The following LCP1 variants were observed in gnomAD, a reference collection of about 807,000 sequenced individuals.
LCP1 encodes the protein lymphocyte cytosolic protein 1, also known as plastin-2.
A neutral mutation model predicts 72.0 loss-of-function variants in LCP1; 23 were observed. The observed-to-expected ratio is 0.32, with a 90% CI of 0.23 to 0.45. LCP1 has a LOEUF of 0.45. Among genes scored for constraint, LCP1 ranks in the 20% least tolerant of loss-of-function variants. The pLI, the probability that LCP1 is intolerant of heterozygous loss-of-function variation, is 1.00. For missense variants in LCP1, 571 were observed against 748.3 expected (o/e 0.76, Z 2.76); for synonymous variants, 245 against 275.4 (o/e 0.89, Z 1.09).
At chr13:46,135,348 C>A (rs1566433970) in intron 13 of LCP1, among the ~76,000 whole-genome samples, 2 of 152,126 alleles carry the variant, frequency 1.3e-5, no homozygotes, top group East Asian at 3.9e-4. Context: ...CTCAAGAATC[C>A]TGTGACTGAA....
intron 14 of LCP1, among the ~76,000 whole-genome samples, chr13:46,131,247 G>T (rs1207327623): frequency 6.6e-6 from 1 of 152,164 alleles, no homozygotes; most frequent in Non-Finnish European, 1.5e-5. Flanking sequence ...ATGAAAAAAT[G>T]CAAAAATGCT....
At chr13:46,168,388 G>C (rs985027973) in intron 1 of LCP1, 5 of 152,240 alleles carry the variant, frequency 3.3e-5, no homozygotes, top group Admixed American at 2.6e-4. Context: ...CTGTGAAATG[G>C]AGCAAGTGAG....
Position 46,167,373 on chromosome 13 carries a change from T to G in LCP1, c.-24-7687A>C, listed in dbSNP as rs74074017. Among the ~76,000 whole-genome samples the G allele has an allele frequency of 9.9e-3, 1,502 of 152,244 alleles. 28 individuals are homozygous for G. The highest frequency in any genetic ancestry group is 0.033 in the African/African-American group (1,379 of 41,512). On this transcript the variant is annotated intron_variant, in intron 1 of 15. Coordinates refer to ENST00000323076, the MANE Select transcript of LCP1 (RefSeq NM_002298.5). The stretch of plus-strand genomic sequence containing the variant: ...CGCCAGCTAAGGAGTTCTCATTCCT[T>G]CCTTCTCTCCCTTAGTACATTCCTG...
chr13:46,154,823 T>A lies in LCP1; in HGVS notation c.555A>T (p.Leu185=). ...GACATACCTGAATGGTGAAAGGGGTTAGCTTCTTTTTGTTGATTGTTCTTT... is the reference window on the plus strand; with the variant it reads ...GACATACCTGAATGGTGAAAGGGGTAAGCTTCTTTTTGTTGATTGTTCTTT... ...IDERTINKKK[L]TPFTIQENLN... Residue 185 remains leucine, a synonymous_variant, in exon 6 of 16, where the codon CTA becomes CTT. Coordinates refer to ENST00000323076, the MANE Select transcript of LCP1 (RefSeq NM_002298.5). 1 of 1,613,950 alleles carries A rather than the reference T, an allele frequency of 6.2e-7. No homozygotes were observed. Among genetic ancestry groups the A allele is most frequent in the Admixed American group, 1.7e-5 (1 of 60,024 alleles).
rs1593950364 is a variant in LCP1 at position 46,146,964 on chromosome 13, C to T, written c.1118G>A (p.Arg373Lys). ...NLAFIANLFN[R>K]YPALHKPENQ... Reference sequence around the variant, plus strand: ...CTCTGGTTTGTGCAGGGCAGGGTATCTGTTAAAGAGGTTGGCAATAAAAGC... The same window carrying T: ...CTCTGGTTTGTGCAGGGCAGGGTATTTGTTAAAGAGGTTGGCAATAAAAGC... The change falls in exon 10 of 16, where the codon AGA becomes AAA. Residue 373 changes from arginine to lysine, a missense_variant. Coordinates refer to ENST00000323076, the MANE Select transcript of LCP1 (RefSeq NM_002298.5). 1 of 1,614,114 alleles carries T rather than the reference C, an allele frequency of 6.2e-7. No homozygotes were observed. The highest frequency in any genetic ancestry group is 1.3e-5 in the African/African-American group (1 of 75,026).
rs1391181546 is a variant in LCP1, at chr13:46,175,358, G to A, written c.-25+6753C>T. 2.0e-5 allele frequency among the ~76,000 whole-genome samples: 3 copies of A among 152,198 alleles called. No individual in the cohort carries two copies. The East Asian group carries it at 5.8e-4, about 29-fold the overall frequency. The stretch of plus-strand genomic sequence containing the variant: ...AGCACTTGCCTGATTTTATAGATGA[G>A]GAAACTGAACTTCAGAGGCTCCAGA... On this transcript the variant is annotated intron_variant, in intron 1 of 15. Transcript: ENST00000323076.
chr13:46,178,516 G>A (rs2045942185), intron 1 of LCP1, among the ~76,000 whole-genome samples: 1 of 152,142 alleles, frequency 6.6e-6, no homozygotes, highest in Admixed American at 6.5e-5. Context: ...GGTGACTTCC[G>A]AGAGCCTCAA....
At chr13:46,144,896 G>T (rs2045720834) in intron 10 of LCP1, among the ~76,000 whole-genome samples, 1 of 152,186 alleles carries the variant, frequency 6.6e-6, no homozygotes, top group South Asian at 2.1e-4. Context: ...ACAGGGAAAA[G>T]AACAGTATGG....
chr13:46,169,534 CAGG>C (rs2045894344), intron 1 of LCP1: 1 of 152,240 alleles, frequency 6.6e-6, no homozygotes, highest in African/African-American at 2.4e-5. Context: ...CTGATCAGCA[CAGG>C]AGTTTTGACC....
At chr13:46,161,861 C>T (rs1161983810) in intron 1 of LCP1, among the ~76,000 whole-genome samples, 1 of 152,166 alleles carries the variant, frequency 6.6e-6, no homozygotes, top group African/African-American at 2.4e-5. Context: ...AAAGTATCAT[C>T]GGTTATACAA....
At chr13:46,138,338 T>C (rs1207596357) in intron 13 of LCP1, among the ~76,000 whole-genome samples, 1 of 152,218 alleles carries the variant, frequency 6.6e-6, no homozygotes, top group Non-Finnish European at 1.5e-5. Context: ...TCTTTTAATA[T>C]ATAGCATGCA....
chr13:46,160,090 T>A (rs2045828821), intron 1 of LCP1, among the ~76,000 whole-genome samples: 1 of 152,172 alleles, frequency 6.6e-6, no homozygotes, highest in Admixed American at 6.5e-5. Context: ...CCAATTTCCA[T>A]GACATGAGAC....
chr13:46,128,047 C>T (rs548678117), intron 15 of LCP1, among the ~76,000 whole-genome samples: 1 of 148,526 alleles, frequency 6.7e-6, no homozygotes, highest in East Asian at 2.0e-4. Flanking sequence ...CACTATGTTG[C>T]CCAGGCTGGG....
In LCP1 at chr13:46,146,976, T is replaced by C. The variant is rs1447998367; in HGVS notation, c.1106A>G (p.Asn369Ser). The C allele has an allele frequency of 1.9e-6, 3 of 1,613,782 alleles. No homozygotes were observed. The highest frequency in any genetic ancestry group is 1.7e-6 in the Non-Finnish European group (2 of 1,179,958). The change falls in exon 10 of 16, where the codon AAC (asparagine) becomes AGC (serine). Residue 369 changes from asparagine (N) to serine (S), a missense_variant. Physicochemically the swap from Asn to Ser is conservative, Grantham distance 46 (BLOSUM62 1). Transcript: ENST00000323076. ...NPKLNLAFIA[N>S]LFNRYPALHK... ...CAGGGCAGGGTATCTGTTAAAGAGG[T>C]TGGCAATAAAAGCCAAGTTCAACTT...
At chr13:46,141,941 T>C (rs34510692) in intron 13 of LCP1, among the ~76,000 whole-genome samples, 22,055 of 152,152 alleles carry the variant, frequency 0.14, 2,209 homozygotes, top group Non-Finnish European at 0.21. Context: ...AGGAAGCCTA[T>C]AGAAGCAATA....
chr13:46,139,675 C>T (rs2045685866), intron 13 of LCP1, among the ~76,000 whole-genome samples: 1 of 152,176 alleles, frequency 6.6e-6, no homozygotes, highest in African/African-American at 2.4e-5. Context: ...TATTTTATTA[C>T]TTACAGAATT....
chr13:46,134,292 A>G, intron 13 of LCP1, 42 bp from the exon 14 acceptor site: 2 of 1,589,926 alleles, frequency 1.3e-6, no homozygotes, highest in South Asian at 2.3e-5. Flanking sequence ...CAGTTGCTAA[A>G]GAATTTAATA....
At chr13:46,163,315 G>T (rs1431268419) in intron 1 of LCP1, among the ~76,000 whole-genome samples, 2 of 152,232 alleles carry the variant, frequency 1.3e-5, no homozygotes, top group South Asian at 4.1e-4. Context: ...GCCTTGGGAT[G>T]CTGTTAATCT....
At chr13:46,181,706 G>A (rs1220487860) in intron 1 of LCP1, among the ~76,000 whole-genome samples, 1 of 152,076 alleles carries the variant, frequency 6.6e-6, no homozygotes, top group Non-Finnish European at 1.5e-5. Context: ...CCCCCATTGG[G>A]CCAATAAGCC....
Sources: allele counts gnomAD v4.1 joint callset (sites outside exome capture counted in the v4.1 genomes callset), GRCh38; gene constraint gnomAD v4.1.1; transcripts MANE v1.5; gene names NCBI Gene and HGNC (gene_info 2026-07-23, HGNC 2026-07-21).